The following AHI1 variants were observed in gnomAD, a reference collection of about 807,000 sequenced individuals.
AHI1 encodes the protein Abelson helper integration site 1.
AHI1 carries 123 observed loss-of-function variants against 149.3 expected under a neutral mutation model. The observed-to-expected ratio is 0.82, with a 90% CI of 0.71 to 0.96. The LOEUF (loss-of-function observed/expected upper bound fraction) is 0.96. Among genes scored for constraint, AHI1 ranks in the 40% least tolerant of loss-of-function variants. The pLI, the probability that AHI1 is intolerant of heterozygous loss-of-function variation, is 0.00. For missense variants in AHI1, 1,439 were observed against 1,422.7 expected (o/e 1.01, Z -0.18); for synonymous variants, 475 against 459.8 (o/e 1.03, Z -0.42).
chr6:135,409,031 G>C (rs1251509068), intron 21 of AHI1, among the ~76,000 whole-genome samples: 1 of 152,080 alleles, frequency 6.6e-6, no homozygotes, highest in African/African-American at 2.4e-5. Flanking sequence ...TGAGTAGTGA[G>C]ATAGAACTTT....
At chr6:135,475,064 C>T (rs1420243225) in intron 5 of AHI1, among the ~76,000 whole-genome samples, 1 of 152,152 alleles carries the variant, frequency 6.6e-6, no homozygotes, top group Non-Finnish European at 1.5e-5. Flanking sequence ...AGATTTTTAA[C>T]TACAGATTCC....
At chr6:135,325,448 A>C (rs1412456308) in intron 24 of AHI1, among the ~76,000 whole-genome samples, 1 of 152,218 alleles carries the variant, frequency 6.6e-6, no homozygotes, top group African/African-American at 2.4e-5. Context: ...TAGGAGAGGA[A>C]AGCTAATTAA....
chr6:135,346,243 G>A (rs1015798483), intron 24 of AHI1, among the ~76,000 whole-genome samples: 1 of 152,060 alleles, frequency 6.6e-6, no homozygotes, highest in African/African-American at 2.4e-5. Context: ...TGCCCAGGCT[G>A]GAGTGCAGTG....
chr6:135,398,734 G>A (rs1057085379), intron 22 of AHI1, among the ~76,000 whole-genome samples: 1 of 151,978 alleles, frequency 6.6e-6, no homozygotes, highest in Non-Finnish European at 1.5e-5. Context: ...AGAAAATTTG[G>A]TCTTGAACCC....
At chr6:135,448,752 T>C (rs1387943062) in intron 11 of AHI1, among the ~76,000 whole-genome samples, 1 of 152,188 alleles carries the variant, frequency 6.6e-6, no homozygotes, top group Non-Finnish European at 1.5e-5. Flanking sequence ...TACATTACTG[T>C]GCCAGATTTC....
chr6:135,334,014 C>T (rs1244306116), intron 24 of AHI1, among the ~76,000 whole-genome samples: 1 of 152,088 alleles, frequency 6.6e-6, no homozygotes, highest in Non-Finnish European at 1.5e-5. Flanking sequence ...ATAGGAAAAG[C>T]CTCTTAGTAA....
At chr6:135,354,944 C>T (rs1792728834) in intron 24 of AHI1, among the ~76,000 whole-genome samples, 1 of 152,124 alleles carries the variant, frequency 6.6e-6, no homozygotes, top group African/African-American at 2.4e-5. Flanking sequence ...GTTCCTTACA[C>T]AAGAGAATGA....
intron 24 of AHI1, among the ~76,000 whole-genome samples, chr6:135,354,553 T>C (rs547118482): frequency 2.0e-5 from 3 of 152,286 alleles, no homozygotes; most frequent in African/African-American, 4.8e-5. Flanking sequence ...AAATAAGTCC[T>C]TCATTTAAAG....
At chr6:135,325,571 A>G (rs1418788685) in intron 24 of AHI1, among the ~76,000 whole-genome samples, 1 of 152,160 alleles carries the variant, frequency 6.6e-6, no homozygotes, top group Admixed American at 6.5e-5. Flanking sequence ...CCATTTTACA[A>G]AAGAGGTATT....
intron 5 of AHI1, among the ~76,000 whole-genome samples, chr6:135,468,318 T>C (rs966524951): frequency 6.6e-6 from 1 of 150,588 alleles, no homozygotes; most frequent in African/African-American, 2.4e-5. Context: ...CCCCAGAAAA[T>C]ACACACACAC....
At chr6:135,471,052 T>C (rs75135120) in intron 5 of AHI1, among the ~76,000 whole-genome samples, 1,861 of 152,328 alleles carry the variant, frequency 0.012, 45 homozygotes, top group African/African-American at 0.043. Flanking sequence ...TTTCTACTTT[T>C]TCAGTGAGTA....
intron 25 of AHI1, among the ~76,000 whole-genome samples, chr6:135,319,185 C>T (rs138000851): frequency 1.3e-3 from 202 of 152,300 alleles, no homozygotes; most frequent in African/African-American, 4.6e-3. Context: ...CAGAGGTACG[C>T]AGAAAAACTA....
intron 5 of AHI1, among the ~76,000 whole-genome samples, chr6:135,482,894 C>CTTGTTTTTTTTTTTTTTTTTTTTTTTTT (rs1793900577): frequency 1.8e-5 from 1 of 55,734 alleles, no homozygotes; most frequent in Non-Finnish European, 2.8e-5. Context: ...CCATTTAAGG[C>CTTGTTTTTTTTTTTTTTTTTTTTTTTTT]TTTTTTTTTT....
intron 20 of AHI1, among the ~76,000 whole-genome samples, chr6:135,424,996 A>G (rs998603882): frequency 6.6e-6 from 1 of 151,970 alleles, no homozygotes; most frequent in Non-Finnish European, 1.5e-5. Context: ...TTGGTAATAA[A>G]TATTATACTT....
At chr6:135,431,999 CTTTTTT>C (rs199839132) in intron 16 of AHI1, among the ~76,000 whole-genome samples, 1 of 132,828 alleles carries the variant, frequency 7.5e-6, no homozygotes, top group Non-Finnish European at 1.7e-5. Flanking sequence ...GACCAATTTC[CTTTTTT>C]TTTTTTTTTT....
intron 26 of AHI1, among the ~76,000 whole-genome samples, chr6:135,306,524 G>A (rs1350403883): frequency 6.6e-6 from 1 of 152,188 alleles, no homozygotes; most frequent in African/African-American, 2.4e-5. Flanking sequence ...ATGGGGTAGA[G>A]TCAGTAGGGA....
Position 135,392,241 on chromosome 6 carries a change from C to A in AHI1, c.3109+2535G>T, listed in dbSNP as rs542153427. 4.6e-5 allele frequency among the ~76,000 whole-genome samples: 7 copies of A among 152,154 alleles called. No individual in the cohort carries two copies. In the South Asian group the frequency reaches 1.0e-3, roughly 23 times the overall value. On this transcript the variant is annotated intron_variant, in intron 23 of 28. Coordinates refer to ENST00000265602, the MANE Select transcript of AHI1 (RefSeq NM_001134831.2). ...AATAGATGGCCTTAAACAAGGTGGTCACTTAAAATGATTTTAGAATGAATA... is the reference window on the plus strand; with the variant it reads ...AATAGATGGCCTTAAACAAGGTGGTAACTTAAAATGATTTTAGAATGAATA...
At chr6:135,386,009 T>C (rs377145959) in intron 23 of AHI1, among the ~76,000 whole-genome samples, 19 of 152,320 alleles carry the variant, frequency 1.2e-4, no homozygotes, top group African/African-American at 4.6e-4. Flanking sequence ...AGTGAGTAAC[T>C]GTCTACTTCT....
chr6:135,476,965 T>C (rs1254747444), intron 5 of AHI1, among the ~76,000 whole-genome samples: 1 of 152,164 alleles, frequency 6.6e-6, no homozygotes, highest in African/African-American at 2.4e-5. Context: ...ATTCTTGATA[T>C]TGCTGAGTTT....
Sources: gnomAD v4.1 joint callset for allele counts (sites outside exome capture counted in the v4.1 genomes callset) on GRCh38, gnomAD v4.1.1 for gene constraint, MANE v1.5 for transcripts, NCBI Gene and HGNC (gene_info 2026-07-23, HGNC 2026-07-21) for gene names.